Variants in ARAP1 observed in about 807,000 individuals in gnomAD.
ARAP1 encodes arf-GAP with Rho-GAP domain, ANK repeat and PH domain-containing protein 1.
Under a neutral mutation model 172.2 loss-of-function variants are expected in ARAP1, and 76 were observed. The ratio of observed to expected loss-of-function variants is 0.44; its 90% CI spans 0.37 to 0.53. The LOEUF (loss-of-function observed/expected upper bound fraction) is 0.53, where lower values mean the gene tolerates loss of function less well. Among genes scored for constraint, ARAP1 ranks in the 20% least tolerant of loss-of-function variants. The pLI, the probability that ARAP1 is intolerant of heterozygous loss-of-function variation, is 0.00. For missense variants in ARAP1, 1,686 were observed against 1,977.5 expected (o/e 0.85, Z 2.80); for synonymous variants, 804 against 803.3 (o/e 1.00, Z -0.01).
chr11:72,692,706 C>T (rs374507792), intron 30 of ARAP1, 47 bp downstream of exon 30: 22 of 1,612,052 alleles, frequency 1.4e-5, no homozygotes, highest in Non-Finnish European at 1.9e-5. Flanking sequence ...GCTCATTTGG[C>T]CCCCAGGTGG....
chr11:72,693,899 TC>T lies in ARAP1; in HGVS notation c.3695-95del. Reference sequence around the variant, plus strand: ...GCACATATCACCTACACATCCCCTGTCCACTCCAACCATATGCAAGTGCCAC... The same window carrying T: ...GCACATATCACCTACACATCCCCTGTCACTCCAACCATATGCAAGTGCCAC... On this transcript the variant is annotated intron_variant, in intron 27 of 34. Coordinates refer to ENST00000393609, the MANE Select transcript of ARAP1 (RefSeq NM_001040118.3). The surrounding 1 kb of genome is among the most constrained non-coding windows in gnomAD (Gnocchi z 4.6). 9.8e-7 allele frequency: 1 copy of T among 1,021,354 alleles called. No homozygotes were observed. Among genetic ancestry groups the T allele is most frequent in the Non-Finnish European group, 1.4e-6 (1 of 704,294 alleles). The allele number at this position is 1,021,354 out of a possible 1,614,324, so 63.3% of individuals were successfully genotyped here.
At chr11:72,698,938 A>G in intron 18 of ARAP1, 67 bp downstream of exon 18, 1 of 1,508,748 alleles carries the variant, frequency 6.6e-7, no homozygotes, top group Non-Finnish European at 9.2e-7. Context: ...GATACATGGG[A>G]TTGGCCAGGA....
At chr11:72,712,649 TCCACACAGCCCCGAC>T (rs1857078712) in intron 5 of ARAP1, 81 bp from the exon 6 acceptor site, 21 of 1,599,062 alleles carry the variant, frequency 1.3e-5, no homozygotes, top group Non-Finnish European at 1.6e-5. Flanking sequence ...GCCCCCTCTG[TCCACACAGCCCCGAC>T]CCACACAGCC....
At chr11:72,750,535 C>T (rs528302602) in intron 1 of ARAP1, among the ~76,000 whole-genome samples, 2 of 150,522 alleles carry the variant, frequency 1.3e-5, no homozygotes, top group African/African-American at 4.9e-5. Context: ...TTCTCTCTTT[C>T]TTTCATTCAA....
intron 1 of ARAP1, among the ~76,000 whole-genome samples, chr11:72,739,408 G>A (rs1170205226): frequency 1.3e-5 from 2 of 152,144 alleles, no homozygotes; most frequent in South Asian, 2.1e-4. Context: ...GGGCAGTGAG[G>A]ACTGAGTGGG....
chr11:72,716,669 C>A, intron 3 of ARAP1, among the ~76,000 whole-genome samples: 1 of 152,246 alleles, frequency 6.6e-6, no homozygotes, highest in East Asian at 1.9e-4. Flanking sequence ...TAAGAGCTTT[C>A]AAAGCCAGGA....
intron 5 of ARAP1, chr11:72,712,798 G>C: frequency 1.5e-6 from 1 of 647,644 alleles, no homozygotes; most frequent in Non-Finnish European, 2.7e-6. Context: ...GACAAAAACA[G>C]AAAGATAAAG....
chr11:72,686,791 G>A lies in ARAP1; in HGVS notation c.4186-600C>T, dbSNP rs562934167. 2.6e-5 allele frequency among the ~76,000 whole-genome samples: 4 copies of A among 152,190 alleles called. No individual in the cohort carries two copies. The South Asian group carries it at 8.3e-4, about 32-fold the overall frequency. ...ACCCTCGGTCCCACTGCCCGACGCT[G>A]CACCCAGAGTGAGCCCTCGAAGACT... On this transcript the variant is annotated intron_variant, in intron 33 of 34. Transcript: ENST00000393609.
chr11:72,704,614 C>T, intron 13 of ARAP1: 1 of 399,894 alleles, frequency 2.5e-6, no homozygotes, highest in Non-Finnish European at 4.5e-6. Flanking sequence ...GTCCCAGGGG[C>T]CTTGCTGCTG....
At chr11:72,712,774 C>T (rs192215388) in intron 5 of ARAP1, 12 of 739,870 alleles carry the variant, frequency 1.6e-5, no homozygotes, top group African/African-American at 1.1e-4. Context: ...TGGCAGAAAC[C>T]GACCTAGGAC....
chr11:72,693,105 C>T lies in ARAP1; in HGVS notation c.3954+220G>A. 1.4e-6 allele frequency: 1 copy of T among 690,222 alleles called. No individual in the cohort carries two copies. Among genetic ancestry groups the T allele is most frequent in the South Asian group, 1.9e-5 (1 of 52,536 alleles). The allele number at this position is 690,222 out of a possible 1,614,324, so 42.8% of individuals were successfully genotyped here. Reference sequence around the variant, plus strand: ...GCATGGGCATGGAGTGGTGTGATGGCATCCGGGTGCCAGGGCTTAGTGGGG... The same window carrying T: ...GCATGGGCATGGAGTGGTGTGATGGTATCCGGGTGCCAGGGCTTAGTGGGG... On this transcript the variant is annotated intron_variant, in intron 29 of 34. Coordinates refer to ENST00000393609, the MANE Select transcript of ARAP1 (RefSeq NM_001040118.3). The surrounding 1 kb of genome is among the most constrained non-coding windows in gnomAD (Gnocchi z 4.6).
At position 72,703,069 on chromosome 11, in the gene ARAP1, G is replaced by A; in HGVS notation, c.2003C>T (p.Ala668Val). 6.3e-7 allele frequency: 1 copy of A among 1,577,244 alleles called. No homozygotes were observed. Among genetic ancestry groups the A allele is most frequent in the East Asian group, 2.3e-5 (1 of 44,276 alleles). The change falls in exon 15 of 35, where the codon GCT becomes GTT. Residue 668 changes from alanine to valine, a missense_variant. By Grantham distance (64) the Ala-to-Val change is moderately conservative. Transcript: ENST00000393609. ...NQEELDKALC[A>V]AVTTTDLAET... ...AGCCAGGTCTGTGGTGGTGACTGCA[G>A]CACACAGGGCCTAGGAAGAGGCAGG...
rs1252039262 is a variant in ARAP1 at position 72,705,853 on chromosome 11, C to G, written c.1761G>C (p.Val587=). 1 of 1,614,156 alleles carries G rather than the reference C, an allele frequency of 6.2e-7. No individual in the cohort carries two copies. Residue 587 remains valine (V), a synonymous_variant, in exon 13 of 35, where the codon GTG becomes GTC. Coordinates refer to ENST00000393609, the MANE Select transcript of ARAP1 (RefSeq NM_001040118.3). The part of the protein sequence containing the change: ...HRGLGAGVSK[V]RSLKMDRKVW... Reference sequence around the variant, plus strand: ...CCTTCCTGTCCATCTTCAGGCTCCGCACCTTGGAGACGCCAGCGCCCAGGC... The same window carrying G: ...CCTTCCTGTCCATCTTCAGGCTCCGGACCTTGGAGACGCCAGCGCCCAGGC...
chr11:72,692,463 C>G (rs1460495044), intron 30 of ARAP1, among the ~76,000 whole-genome samples: 1 of 152,212 alleles, frequency 6.6e-6, no homozygotes, highest in Non-Finnish European at 1.5e-5. Flanking sequence ...CTAATTCAAA[C>G]CTAGGTGCCA....
Position 72,703,033 on chromosome 11 carries a change from G to T in ARAP1, c.2039C>A (p.Ala680Glu), listed in dbSNP as rs750176877. The T allele has an allele frequency of 6.3e-7, 1 of 1,597,322 alleles. No individual in the cohort carries two copies. The highest frequency in any genetic ancestry group is 8.5e-7 in the Non-Finnish European group (1 of 1,173,236). ...VTTTDLAETQ[A>E]LLGCGAGINC... Reference sequence around the variant, plus strand: ...GATCCCAGCCCCACAGCCCAGGAGCGCCTGGGTCTCAGCCAGGTCTGTGGT... The same window carrying T: ...GATCCCAGCCCCACAGCCCAGGAGCTCCTGGGTCTCAGCCAGGTCTGTGGT... The change falls in exon 15 of 35, where the codon GCG becomes GAG. Residue 680 changes from alanine (A) to glutamate (E), a missense_variant. Physicochemically the swap from Ala to Glu is moderately radical, Grantham distance 107. This residue lies in a region of ARAP1 where 688 missense variants were observed against 856.9 expected (regional missense o/e 0.80). Coordinates refer to ENST00000393609, the MANE Select transcript of ARAP1 (RefSeq NM_001040118.3).
chr11:72,714,551 C>T (rs1485373797), intron 3 of ARAP1, among the ~76,000 whole-genome samples: 2 of 152,176 alleles, frequency 1.3e-5, no homozygotes, highest in Admixed American at 6.5e-5. Flanking sequence ...ATGAGGTGTT[C>T]ACCTATCCCC....
intron 1 of ARAP1, among the ~76,000 whole-genome samples, chr11:72,733,574 G>A (rs1040366800): frequency 6.6e-6 from 1 of 152,128 alleles, no homozygotes; most frequent in African/African-American, 2.4e-5. Flanking sequence ...GCAGACAGCC[G>A]GAGCTCTGTG....
At chr11:72,709,596 T>C (rs1469657171) in intron 11 of ARAP1, among the ~76,000 whole-genome samples, 1 of 151,148 alleles carries the variant, frequency 6.6e-6, no homozygotes, top group Non-Finnish European at 1.5e-5. Flanking sequence ...GCAGGGGCAG[T>C]GGGAGCAGGA....
At chr11:72,705,956 CCA>C in intron 12 of ARAP1, 66 bp from the exon 13 acceptor site, 2 of 1,533,410 alleles carry the variant, frequency 1.3e-6, no homozygotes, top group Non-Finnish European at 1.8e-6. Context: ...TTACCCACCC[CCA>C]GTGTCTACTG....
Sources: gnomAD v4.1 joint callset for allele counts (sites outside exome capture counted in the v4.1 genomes callset) on GRCh38, gnomAD v4.1.1 for gene constraint, gnomAD v4.1.1 regional missense constraint, Gnocchi (gnomAD v3.1) non-coding constraint, MANE v1.5 for transcripts, NCBI Gene and HGNC (gene_info 2026-07-23, HGNC 2026-07-21) for gene names.